Variants in CPNE4 observed in about 807,000 individuals in gnomAD.
The protein encoded by CPNE4 is copine 4.
Under a neutral mutation model 67.9 loss-of-function variants are expected in CPNE4, and 25 were observed. The observed-to-expected ratio is 0.37, with a 90% CI of 0.27 to 0.51. The LOEUF (loss-of-function observed/expected upper bound fraction) is 0.51. Among genes scored for constraint, CPNE4 ranks in the 20% least tolerant of loss-of-function variants. CPNE4 has a pLI of 0.93. For missense variants in CPNE4, 464 were observed against 690.8 expected, an observed-to-expected ratio of 0.67 and a Z score of 3.68; for synonymous variants, 242 against 244.9, an observed-to-expected ratio of 0.99 and a Z score of 0.11.
At chr3:131,988,611 T>C (rs191678367) in intron 1 of CPNE4, among the ~76,000 whole-genome samples, 1 of 152,146 alleles carries the variant, frequency 6.6e-6, no homozygotes. Context: ...AAGATGACTT[T>C]GAGTGTTCTC....
At chr3:131,705,259 C>T (rs1019550296) in intron 3 of CPNE4, among the ~76,000 whole-genome samples, 1 of 152,158 alleles carries the variant, frequency 6.6e-6, no homozygotes, top group African/African-American at 2.4e-5. Context: ...CCCCGTCCAA[C>T]AGCAGCAGCA....
intron 10 of CPNE4, among the ~76,000 whole-genome samples, chr3:131,569,696 A>G (rs1036706080): frequency 1.3e-5 from 2 of 151,706 alleles, no homozygotes; most frequent in African/African-American, 4.8e-5. Flanking sequence ...GAAAGAAAGA[A>G]AGAGAGAAAG....
At chr3:131,833,418 G>A (rs1300251000) in intron 2 of CPNE4, among the ~76,000 whole-genome samples, 2 of 152,202 alleles carry the variant, frequency 1.3e-5, no homozygotes, top group African/African-American at 4.8e-5. Context: ...TTGGGGCTGG[G>A]AGGAGTGATC....
At chr3:131,566,413 T>G (rs544112128) in intron 10 of CPNE4, among the ~76,000 whole-genome samples, 1 of 148,770 alleles carries the variant, frequency 6.7e-6, no homozygotes, top group African/African-American at 2.5e-5. Context: ...ATCCTGAAGG[T>G]GAGAGCCAAC....
At chr3:131,646,091 C>T (rs2079656265) in intron 7 of CPNE4, among the ~76,000 whole-genome samples, 1 of 152,114 alleles carries the variant, frequency 6.6e-6, no homozygotes, top group Non-Finnish European at 1.5e-5. Context: ...AAGTGACAAA[C>T]TATACACAAA....
intron 1 of CPNE4, among the ~76,000 whole-genome samples, chr3:131,970,470 T>C (rs971225843): frequency 1.3e-5 from 2 of 152,244 alleles, no homozygotes; most frequent in Non-Finnish European, 2.9e-5. Flanking sequence ...TTCTTAGAAA[T>C]TGGTCTAATC....
chr3:131,816,339 A>G (rs1338666719), intron 2 of CPNE4, among the ~76,000 whole-genome samples: 1 of 152,054 alleles, frequency 6.6e-6, no homozygotes, highest in African/African-American at 2.4e-5. Context: ...TCTTCTTTTT[A>G]TTGTTGTTAC....
At chr3:132,033,255 C>T (rs1304232456) in intron 1 of CPNE4, among the ~76,000 whole-genome samples, 1 of 152,200 alleles carries the variant, frequency 6.6e-6, no homozygotes, top group African/African-American at 2.4e-5. Flanking sequence ...CAAGAAAAAC[C>T]AGAACAGTGC....
chr3:132,039,058 C>T (rs993948118), upstream of CPNE4, among the ~76,000 whole-genome samples: 10 of 152,144 alleles, frequency 6.6e-5, no homozygotes, highest in Non-Finnish European at 1.5e-4. Flanking sequence ...CCACAAGTGA[C>T]ATTTTAAATG....
At chr3:131,584,149 T>G in intron 8 of CPNE4, among the ~76,000 whole-genome samples, 1 of 152,170 alleles carries the variant, frequency 6.6e-6, no homozygotes, top group Non-Finnish European at 1.5e-5. Flanking sequence ...CCTCTTTTTT[T>G]CTCTGATGCT....
At chr3:131,805,883 C>G (rs1481753972) in intron 2 of CPNE4, among the ~76,000 whole-genome samples, 1 of 152,170 alleles carries the variant, frequency 6.6e-6, no homozygotes, top group African/African-American at 2.4e-5. Context: ...CCTGTCATAT[C>G]TATGAATGTG....
intron 1 of CPNE4, among the ~76,000 whole-genome samples, chr3:131,960,364 C>A (rs2072130272): frequency 6.6e-6 from 1 of 151,992 alleles, no homozygotes; most frequent in African/African-American, 2.4e-5. Context: ...TACAGCTAAC[C>A]AAAACTTTAG....
chr3:131,747,874 C>A (rs550263223), intron 2 of CPNE4, among the ~76,000 whole-genome samples: 8 of 152,150 alleles, frequency 5.3e-5, no homozygotes, highest in Non-Finnish European at 2.9e-5. Context: ...TGGCTAGATA[C>A]TCTAGCACAA....
At chr3:131,831,601 C>CA (rs1373387051) in intron 2 of CPNE4, among the ~76,000 whole-genome samples, 3 of 151,936 alleles carry the variant, frequency 2.0e-5, no homozygotes, top group Admixed American at 6.6e-5. Flanking sequence ...ATGAAGAACA[C>CA]AAAAATGTTA....
intron 2 of CPNE4, among the ~76,000 whole-genome samples, chr3:131,790,287 A>G (rs1052628217): frequency 2.0e-5 from 3 of 152,106 alleles, no homozygotes; most frequent in Non-Finnish European, 2.9e-5. Context: ...GTAAATACCC[A>G]AGTCTTTCTG....
At chr3:131,930,269 AT>A (rs1401245823) in intron 1 of CPNE4, among the ~76,000 whole-genome samples, 1 of 152,078 alleles carries the variant, frequency 6.6e-6, no homozygotes. Context: ...AGTAACCCAT[AT>A]GTACAAAGGG....
At chr3:131,819,511 C>CACAT (rs1553778135) in intron 2 of CPNE4, among the ~76,000 whole-genome samples, 253 of 151,798 alleles carry the variant, frequency 1.7e-3, no homozygotes, top group African/African-American at 5.6e-3. Flanking sequence ...CACACACACA[C>CACAT]ACACACACAC....
chr3:132,005,790 A>AG (rs1486422123), intron 1 of CPNE4, among the ~76,000 whole-genome samples: 1 of 76,950 alleles, frequency 1.3e-5, no homozygotes, highest in Non-Finnish European at 3.4e-5. Context: ...TTTAATTGAA[A>AG]AAAAAAATCC....
chr3:131,648,388 A>C (rs1366483084), intron 7 of CPNE4, among the ~76,000 whole-genome samples: 1 of 152,160 alleles, frequency 6.6e-6, no homozygotes, highest in African/African-American at 2.4e-5. Flanking sequence ...TAAATACATA[A>C]ATAAATAATA....
Sources: gnomAD v4.1 joint callset for allele counts (sites outside exome capture counted in the v4.1 genomes callset) on GRCh38, gnomAD v4.1.1 for gene constraint, MANE v1.5 for transcripts, NCBI Gene and HGNC (gene_info 2026-07-23, HGNC 2026-07-21) for gene names.